SIMC1: variants seen among roughly 807,000 people sequenced by gnomAD.
SIMC1 encodes the protein SUMO-interacting motif-containing protein 1.
A neutral mutation model predicts 82.3 loss-of-function variants in SIMC1; 55 were observed. The ratio of observed to expected loss-of-function variants is 0.67; its 90% CI spans 0.54 to 0.84. SIMC1 has a LOEUF of 0.84. Among genes scored for constraint, SIMC1 ranks in the 40% least tolerant of loss-of-function variants. SIMC1 has a pLI of 0.00. For synonymous variants in SIMC1, 353 were observed against 426.3 expected, an observed-to-expected ratio of 0.83 and a Z score of 2.12; for missense variants, 915 against 1,107.2, an observed-to-expected ratio of 0.83 and a Z score of 2.46.
At chr5:176,288,465 G>C (rs552931881) in intron 1 of SIMC1, among the ~76,000 whole-genome samples, 8 of 116,630 alleles carry the variant, frequency 6.9e-5, no homozygotes, top group Admixed American at 2.6e-4. Flanking sequence ...AAATGGGAGA[G>C]ACCTGGTGAT....
Position 176,289,798 on chromosome 5 carries a change from A to G in SIMC1, c.274A>G (p.Lys92Glu), listed in dbSNP as rs1470973981. The change falls in exon 2 of 10, where the codon AAG becomes GAG. Residue 92 changes from lysine to glutamate, a missense_variant. Lys to Glu is a moderately conservative substitution (Grantham distance 56). Around this residue, in one of 2 missense-constraint regions of SIMC1, gnomAD observed 902 missense variants for 1,040.3 expected, o/e 0.87. Coordinates refer to ENST00000429602, the MANE Select transcript of SIMC1 (RefSeq NM_001308195.2). ...TTTAGAACCTGTCACTCCTTCCCAG[A>G]AGGAGCCAACCAGTCTTCAGACATG... Reference protein sequence around the residue: ...LTLEPVTPSQKEPTSLQTCAS... With the variant: ...LTLEPVTPSQEEPTSLQTCAS... 1.2e-6 allele frequency: 2 copies of G among 1,613,844 alleles called. No individual in the cohort carries two copies. The highest frequency in any genetic ancestry group is 2.7e-5 in the African/African-American group (2 of 74,906).
In SIMC1 at chr5:176,265,083, T is replaced by A. The variant is rs1049685871; in HGVS notation, c.130-24571T>A. ...AAATGAAACTGTCCCTATTTCCAGA[T>A]GACATGATTGTCTATGCAGAAGATC... On this transcript the variant is annotated intron_variant, in intron 1 of 9. Coordinates refer to ENST00000429602, the MANE Select transcript of SIMC1 (RefSeq NM_001308195.2). Among the ~76,000 whole-genome samples, 36 of 152,152 alleles carry A rather than the reference T, an allele frequency of 2.4e-4. 1 individual carries two copies.
intron 7 of SIMC1, among the ~76,000 whole-genome samples, chr5:176,335,273 C>CTTTTTTTTTTTTTT (rs1225021593): frequency 6.8e-4 from 67 of 98,600 alleles, no homozygotes; most frequent in Non-Finnish European, 9.5e-4. Flanking sequence ...TTCTTTGTAT[C>CTTTTTTTTTTTTTT]TTTTTTTTTT....
chr5:176,313,315 A>C, intron 4 of SIMC1: 1 of 1,464,006 alleles, frequency 6.8e-7, no homozygotes, highest in South Asian at 1.5e-5. Context: ...AGTGAGAGGG[A>C]GAGATTGACT....
In SIMC1 at chr5:176,262,880, T is replaced by C. The variant is rs1271488307; in HGVS notation, c.129+24243T>C. Among the ~76,000 whole-genome samples, 3 of 151,940 alleles carry C rather than the reference T, an allele frequency of 2.0e-5. No homozygotes were observed. The East Asian group carries it at 5.8e-4, about 29-fold the overall frequency. On this transcript the variant is annotated intron_variant, in intron 1 of 9. Coordinates refer to ENST00000429602, the MANE Select transcript of SIMC1 (RefSeq NM_001308195.2). ...GTTCACTGAAGACATGATTTGTCTA[T>C]GTAGAAAATCTCAAAGAATCTAGAA...
At chr5:176,317,076 G>GA (rs1010857293) in intron 5 of SIMC1, among the ~76,000 whole-genome samples, 1 of 151,938 alleles carries the variant, frequency 6.6e-6, no homozygotes, top group African/African-American at 2.4e-5. Context: ...CTTACTCAAT[G>GA]AAAAAAATCA....
chr5:176,307,999 G>A, intron 4 of SIMC1: 2 of 634,072 alleles, frequency 3.2e-6, no homozygotes, highest in Admixed American at 2.4e-5. Flanking sequence ...ATGTCCATCA[G>A]CTGGTGAATG....
At chr5:176,265,606 C>A (rs1265413865) in intron 1 of SIMC1, among the ~76,000 whole-genome samples, 1 of 151,926 alleles carries the variant, frequency 6.6e-6, no homozygotes, top group Non-Finnish European at 1.5e-5. Context: ...AATTAGGAGG[C>A]CTGTTGGAGT....
Position 176,295,234 on chromosome 5 carries a change from G to A in SIMC1, c.1636G>A (p.Ala546Thr). ...GSETVDVLKE[A>T]YMLLMKIQQL... ...TGAGACTGTGGATGTCCTAAAGGAGGCCTACATGCTTCTCATGAAAATTCA... is the reference window on the plus strand; with the variant it reads ...TGAGACTGTGGATGTCCTAAAGGAGACCTACATGCTTCTCATGAAAATTCA... The change falls in exon 3 of 10, where the codon GCC (alanine) becomes ACC (threonine). Residue 546 changes from alanine to threonine, a missense_variant. By Grantham distance (58) the Ala-to-Thr change is moderately conservative. This residue lies in a region of SIMC1 where 902 missense variants were observed against 1,040.3 expected (regional missense o/e 0.87). Transcript: ENST00000429602. 1.2e-6 allele frequency: 2 copies of A among 1,613,062 alleles called. No homozygotes were observed. The highest frequency in any genetic ancestry group is 1.1e-5 in the South Asian group (1 of 90,988).
chr5:176,322,420 T>A lies in SIMC1; in HGVS notation c.2037T>A (p.Asn679Lys). The change falls in exon 6 of 10, where the codon AAT (asparagine) becomes AAA (lysine). Residue 679 changes from asparagine to lysine, a missense_variant. Around this residue, in one of 2 missense-constraint regions of SIMC1, gnomAD observed 902 missense variants for 1,040.3 expected, o/e 0.87. Transcript: ENST00000429602. ...AGCCCAACCTGACAAAGAACACCAATCAGCTGTAAGGGGCAGGCAGTTCTC... is the reference window on the plus strand; with the variant it reads ...AGCCCAACCTGACAAAGAACACCAAACAGCTGTAAGGGGCAGGCAGTTCTC... ...SSQPNLTKNT[N>K]QLIVCQLQRM... 1.2e-6 allele frequency: 2 copies of A among 1,608,176 alleles called. No individual in the cohort carries two copies. The highest frequency in any genetic ancestry group is 1.7e-4 in the Middle Eastern group (1 of 6,056).
rs553478564 is a variant in SIMC1, at chr5:176,276,072, G to C, written c.130-13582G>C. ...GTACCAGTTCCTCCTTGTACCTCTG[G>C]TAGAATTCGGCTGTGAATCCATCTG... On this transcript the variant is annotated intron_variant, in intron 1 of 9. Transcript: ENST00000429602. Among the ~76,000 whole-genome samples the C allele has an allele frequency of 2.0e-5, 3 of 151,652 alleles. No homozygotes were observed. The South Asian group carries it at 6.2e-4, about 32-fold the overall frequency.
chr5:176,276,722 T>G (rs1581242205), intron 1 of SIMC1, among the ~76,000 whole-genome samples: 4 of 141,524 alleles, frequency 2.8e-5, no homozygotes, highest in Non-Finnish European at 4.6e-5. Flanking sequence ...CTTGCGATAG[T>G]TTACTGAGAA....
At chr5:176,312,731 G>A (rs1287211052) in intron 4 of SIMC1, among the ~76,000 whole-genome samples, 1 of 152,068 alleles carries the variant, frequency 6.6e-6, no homozygotes, top group African/African-American at 2.4e-5. Flanking sequence ...ATCATATCCT[G>A]GTCCATTAGT....
At position 176,331,392 on chromosome 5, in the gene SIMC1, A is replaced by G. The variant is rs113931301; in HGVS notation, c.2172-5328A>G. Among the ~76,000 whole-genome samples, 186 of 149,410 alleles carry G rather than the reference A, an allele frequency of 1.2e-3. 1 individual carries two copies. Among genetic ancestry groups the G allele is most frequent in the African/African-American group, 4.4e-3 (180 of 40,902 alleles). On this transcript the variant is annotated intron_variant, in intron 7 of 9. Coordinates refer to ENST00000429602, the MANE Select transcript of SIMC1 (RefSeq NM_001308195.2). ...CTAAAAAAAAAAAAAAAAAGTCAGT[A>G]TCATGAAAGACAAAGCAATGTAAAG...
chr5:176,340,667 A>C (rs528267028), intron 9 of SIMC1, among the ~76,000 whole-genome samples: 4 of 152,246 alleles, frequency 2.6e-5, no homozygotes, highest in Non-Finnish European at 5.9e-5. Flanking sequence ...ACCTTAATGA[A>C]TAAGACCAGC....
At chr5:176,250,590 G>A (rs1444086723) in intron 1 of SIMC1, among the ~76,000 whole-genome samples, 1 of 152,138 alleles carries the variant, frequency 6.6e-6, no homozygotes, top group East Asian at 1.9e-4. Context: ...TATTGTGTGG[G>A]AGTCTAAGTC....
chr5:176,288,347 G>T (rs763314743), intron 1 of SIMC1, among the ~76,000 whole-genome samples: 4 of 152,108 alleles, frequency 2.6e-5, no homozygotes, highest in African/African-American at 4.8e-5. Flanking sequence ...GGCAGAGTTT[G>T]CAGTGAGCCA....
intron 4 of SIMC1, among the ~76,000 whole-genome samples, chr5:176,305,189 T>TA (rs1554112217): frequency 0.049 from 1,133 of 23,290 alleles, 60 homozygotes; most frequent in Admixed American, 0.07. Context: ...GGGAGGGAGG[T>TA]GGGGGGTCAG....
intron 1 of SIMC1, among the ~76,000 whole-genome samples, chr5:176,267,044 TAGA>T (rs1282493301): frequency 2.2e-4 from 7 of 31,616 alleles, no homozygotes. Context: ...ATTAGAGTCT[TAGA>T]AGGAGGGGCA....
Sources: gnomAD v4.1 joint callset for allele counts (sites outside exome capture counted in the v4.1 genomes callset) on GRCh38, gnomAD v4.1.1 for gene constraint, gnomAD v4.1.1 regional missense constraint, MANE v1.5 for transcripts, NCBI Gene and HGNC (gene_info 2026-07-23, HGNC 2026-07-21) for gene names.